Variants in SCAPER observed in about 807,000 individuals in gnomAD.
SCAPER encodes the protein S-phase cyclin A associated protein in the ER.
A neutral mutation model predicts 182.2 loss-of-function variants in SCAPER; 98 were observed. The observed-to-expected ratio is 0.54, with a 90% confidence interval of 0.46 to 0.64. The LOEUF (loss-of-function observed/expected upper bound fraction) is 0.64, where lower values mean the gene tolerates loss of function less well. Ranked by LOEUF, SCAPER falls within the 30% of genes least tolerant of loss-of-function variation. The pLI, the probability that SCAPER is intolerant of heterozygous loss-of-function variation, is 0.00. For synonymous variants in SCAPER, 605 were observed against 564.6 expected (o/e 1.07, Z -1.01); for missense variants, 1,432 against 1,690.0 (o/e 0.85, Z 2.68).
chr15:76,416,320 A>AAG (rs1250035430), intron 26 of SCAPER, among the ~76,000 whole-genome samples: 2 of 150,626 alleles, frequency 1.3e-5, no homozygotes, highest in African/African-American at 4.9e-5. Flanking sequence ...ACTAAAAGAA[A>AAG]AAAAAAAAAA....
At chr15:76,728,950 TAA>T (rs1218395364) in intron 16 of SCAPER, among the ~76,000 whole-genome samples, 1 of 152,234 alleles carries the variant, frequency 6.6e-6, no homozygotes, top group Non-Finnish European at 1.5e-5. Context: ...CATAATTCAG[TAA>T]AGACTTGCTT....
Position 76,460,387 on chromosome 15 carries a change from G to T in SCAPER, c.3078+10825C>A, listed in dbSNP as rs114900592. Among the ~76,000 whole-genome samples the T allele has an allele frequency of 8.2e-3, 1,242 of 152,076 alleles. 12 individuals carry two copies. The highest frequency in any genetic ancestry group is 0.028 in the African/African-American group (1,177 of 41,494). On this transcript the variant is annotated intron_variant, in intron 25 of 31. Coordinates refer to ENST00000563290, the MANE Select transcript of SCAPER (RefSeq NM_020843.4). Reference sequence around the variant, plus strand: ...ATCATTGGTGTATAGAAATGTTACCGATTTTTATAAGTTGATTTTGTATTC... The same window carrying T: ...ATCATTGGTGTATAGAAATGTTACCTATTTTTATAAGTTGATTTTGTATTC...
Position 76,471,277 on chromosome 15 carries a change from A to G in SCAPER, c.3013T>C (p.Cys1005Arg). The change falls in exon 25 of 32, where the codon TGC becomes CGC. Residue 1005 changes from cysteine (C) to arginine (R), a missense_variant. This residue lies in a region of SCAPER where 718 missense variants were observed against 799.7 expected (regional missense o/e 0.90). Coordinates refer to ENST00000563290, the MANE Select transcript of SCAPER (RefSeq NM_020843.4). ...NLTCNNCSEN[C>R]SDVLFSNKIT... ...TTGTTACTAAACAGAACATCACTGC[A>G]GTTTTCTGAACAGTTATTGCAGGTG... 1 of 1,612,698 alleles carries G rather than the reference A, an allele frequency of 6.2e-7. No homozygotes were observed. The highest frequency in any genetic ancestry group is 8.5e-7 in the Non-Finnish European group (1 of 1,179,184).
intron 14 of SCAPER, among the ~76,000 whole-genome samples, chr15:76,761,122 G>T (rs918880038): frequency 2.0e-5 from 3 of 151,982 alleles, no homozygotes; most frequent in African/African-American, 7.2e-5. Context: ...TTCTTCTAAG[G>T]TTATCCAATT....
chr15:76,624,127 A>G (rs1229572287), intron 21 of SCAPER, among the ~76,000 whole-genome samples: 1 of 152,244 alleles, frequency 6.6e-6, no homozygotes, highest in Non-Finnish European at 1.5e-5. Flanking sequence ...TGACAATATG[A>G]TTCTATACCT....
Position 76,625,912 on chromosome 15 carries a change from G to A in SCAPER, c.2646-4083C>T, listed in dbSNP as rs75048481. 1.6e-4 allele frequency among the ~76,000 whole-genome samples: 24 copies of A among 151,844 alleles called. No individual in the cohort carries two copies. The East Asian group carries it at 4.1e-3, about 26-fold the overall frequency. On this transcript the variant is annotated intron_variant, in intron 21 of 31. Coordinates refer to ENST00000563290, the MANE Select transcript of SCAPER (RefSeq NM_020843.4). ...TTTAGGTCAGGGTGTCCAATCTTTT[G>A]GCTTCCCTGGCCACAACGGAAGAAG...
chr15:76,543,132 T>C (rs2044928267), intron 23 of SCAPER, among the ~76,000 whole-genome samples: 1 of 152,198 alleles, frequency 6.6e-6, no homozygotes, highest in African/African-American at 2.4e-5. Flanking sequence ...CAATCACATG[T>C]AGACATTTTG....
chr15:76,553,558 T>A (rs962962241), intron 23 of SCAPER, among the ~76,000 whole-genome samples: 3 of 152,130 alleles, frequency 2.0e-5, no homozygotes, highest in Non-Finnish European at 4.4e-5. Flanking sequence ...CAAAGCACTT[T>A]GGCTGGCACA....
intron 17 of SCAPER, among the ~76,000 whole-genome samples, chr15:76,708,327 T>C (rs2059374906): frequency 6.6e-6 from 1 of 152,114 alleles, no homozygotes. Flanking sequence ...GTGGAACCTC[T>C]GGATAGAAAG....
intron 22 of SCAPER, among the ~76,000 whole-genome samples, chr15:76,592,176 T>C (rs557822841): frequency 6.6e-6 from 1 of 151,994 alleles, no homozygotes; most frequent in East Asian, 1.9e-4. Flanking sequence ...GTTCTACATA[T>C]AGGTATATAA....
intron 21 of SCAPER, among the ~76,000 whole-genome samples, chr15:76,643,335 T>C (rs544299667): frequency 1.2e-4 from 18 of 152,320 alleles, no homozygotes; most frequent in Admixed American, 1.1e-3. Context: ...ACTGTTGAAC[T>C]ACTTCCTCAC....
chr15:76,753,650 A>G (rs867251059), intron 15 of SCAPER, among the ~76,000 whole-genome samples, 158 bp downstream of exon 15: 6 of 152,016 alleles, frequency 3.9e-5, no homozygotes, highest in Admixed American at 2.0e-4. Context: ...TCAAAGGGAT[A>G]AAATATTGCA....
chr15:76,370,926 G>C (rs8040818), intron 29 of SCAPER, among the ~76,000 whole-genome samples: 147,964 of 152,298 alleles, frequency 0.97, 72,012 homozygotes, highest in South Asian at 1. Flanking sequence ...GGCAGTTTCT[G>C]AAATGTACTG....
intron 23 of SCAPER, among the ~76,000 whole-genome samples, 180 bp downstream of exon 23, chr15:76,573,978 T>C (rs2047637100): frequency 6.6e-6 from 1 of 150,980 alleles, no homozygotes; most frequent in Non-Finnish European, 1.5e-5. Flanking sequence ...AACCTGAAAA[T>C]AGCTTCAATT....
At chr15:76,488,577 C>G (rs2051900485) in intron 24 of SCAPER, among the ~76,000 whole-genome samples, 1 of 152,010 alleles carries the variant, frequency 6.6e-6, no homozygotes, top group Non-Finnish European at 1.5e-5. Context: ...TTTATGCTCA[C>G]TACAAGTACT....
Position 76,595,405 on chromosome 15 carries a change from C to T in SCAPER, c.2712-21121G>A, listed in dbSNP as rs536570174. Among the ~76,000 whole-genome samples the T allele has an allele frequency of 9.9e-5, 12 of 121,222 alleles. 5 individuals are homozygous for T. The highest frequency in any genetic ancestry group is 2.2e-4 in the East Asian group (1 of 4,550). The allele number at this position is 121,222 out of a possible 152,430, so 79.5% of individuals were successfully genotyped here. A position where few individuals can be genotyped will look rare whatever the true frequency, so the allele number is the denominator to read the frequency against. ...CCACTGTCAATATTAGACAGATCAA[C>T]GAGGCAGAAAATTAACAAGGATATT... is the stretch of plus-strand genomic sequence containing the variant. On this transcript the variant is annotated intron_variant, in intron 22 of 31. Transcript: ENST00000563290.
At chr15:76,786,005 C>T (rs1427633057) in intron 8 of SCAPER, among the ~76,000 whole-genome samples, 3 of 151,946 alleles carry the variant, frequency 2.0e-5, no homozygotes, top group Admixed American at 6.6e-5. Context: ...TGCACATGTA[C>T]CCTAGAACTA....
chr15:76,501,442 T>A (rs193237025), intron 24 of SCAPER, among the ~76,000 whole-genome samples: 3 of 151,638 alleles, frequency 2.0e-5, no homozygotes, highest in East Asian at 1.9e-4. Context: ...TGACGTACTA[T>A]GTGAAGTAAA....
chr15:76,626,724 C>T (rs796841174), intron 21 of SCAPER, among the ~76,000 whole-genome samples: 3 of 152,184 alleles, frequency 2.0e-5, no homozygotes, highest in African/African-American at 7.2e-5. Context: ...CTCAAACAAA[C>T]AAACAAAAAA....
Sources: allele counts gnomAD v4.1 joint callset (sites outside exome capture counted in the v4.1 genomes callset), GRCh38; gene constraint gnomAD v4.1.1; regional missense constraint gnomAD v4.1.1; transcripts MANE v1.5; gene names NCBI Gene and HGNC (gene_info 2026-07-23, HGNC 2026-07-21).